Variants in FRYL observed in about 807,000 individuals in gnomAD.
The protein encoded by FRYL is FRY like transcription coactivator.
In FRYL, 150 loss-of-function variants were observed where a neutral mutation model predicts 351.2. That is an observed-to-expected ratio of 0.43 (90% CI 0.37 to 0.49). The LOEUF (loss-of-function observed/expected upper bound fraction) is 0.49. Among genes scored for constraint, FRYL ranks in the 20% least tolerant of loss-of-function variants. FRYL has a pLI of 0.00. For missense variants in FRYL, 3,036 were observed against 3,619.3 expected (o/e 0.84, Z 4.13); for synonymous variants, 1,153 against 1,257.1 (o/e 0.92, Z 1.75).
In FRYL at chr4:48,549,696, C is replaced by A; in HGVS notation, c.4634-73G>T. 1 of 1,251,398 alleles carries A rather than the reference C, an allele frequency of 8.0e-7. No individual in the cohort carries two copies. The highest frequency in any genetic ancestry group is 1.1e-6 in the Non-Finnish European group (1 of 884,378). The allele number at this position is 1,251,398 out of a possible 1,614,324, so 77.5% of individuals were successfully genotyped here. On this transcript the variant is annotated intron_variant, in intron 38 of 63. Transcript: ENST00000358350. The surrounding 1 kb of genome is among the most constrained non-coding windows in gnomAD (Gnocchi z 4.2). ...AATATAAGCAAACTCTAGTAAGATC[C>A]CAACTATTTATATAGTATTGGAAAG...
At chr4:48,586,815 C>A in intron 18 of FRYL, 87 bp from the exon 19 acceptor site, 3 of 803,930 alleles carry the variant, frequency 3.7e-6, no homozygotes, top group Non-Finnish European at 6.0e-6. Context: ...ACAGAAAGTG[C>A]GAGTCCTCCC....
chr4:48,635,695 G>A (rs1754076894), intron 3 of FRYL, among the ~76,000 whole-genome samples: 1 of 152,158 alleles, frequency 6.6e-6, no homozygotes, highest in Non-Finnish European at 1.5e-5. Context: ...GATCCCATAT[G>A]TTGCTATGTC....
chr4:48,563,543 C>T (rs1259530271), intron 31 of FRYL, among the ~76,000 whole-genome samples: 3 of 151,836 alleles, frequency 2.0e-5, no homozygotes, highest in African/African-American at 7.3e-5. Context: ...GACCTCGTCG[C>T]TACAAAGAAT....
At chr4:48,675,088 C>T (rs1480749184) in intron 3 of FRYL, among the ~76,000 whole-genome samples, 1 of 152,176 alleles carries the variant, frequency 6.6e-6, no homozygotes, top group Non-Finnish European at 1.5e-5. Flanking sequence ...CGCTGTGCAG[C>T]CCAGGCTGGA....
chr4:48,561,822 C>T (rs552079658), intron 32 of FRYL, among the ~76,000 whole-genome samples, 186 bp from the exon 33 acceptor site: 2 of 152,128 alleles, frequency 1.3e-5, no homozygotes, highest in Non-Finnish European at 2.9e-5. Context: ...CCAGACTAGC[C>T]TGGCCAACAT....
chr4:48,682,922 A>T (rs1282289338), intron 3 of FRYL, among the ~76,000 whole-genome samples: 1 of 152,214 alleles, frequency 6.6e-6, no homozygotes, highest in Non-Finnish European at 1.5e-5. Flanking sequence ...TACTGGGTAC[A>T]TACCCAAAGA....
intron 1 of FRYL, among the ~76,000 whole-genome samples, chr4:48,719,687 G>A (rs965447048): frequency 2.0e-5 from 3 of 151,614 alleles, no homozygotes; most frequent in Non-Finnish European, 4.4e-5. Context: ...AAGTTAAGAT[G>A]ATAAAAATTC....
At chr4:48,603,611 A>G (rs1507864) in intron 11 of FRYL, among the ~76,000 whole-genome samples, 9,001 of 152,296 alleles carry the variant, frequency 0.059, 363 homozygotes, top group Non-Finnish European at 0.09. Flanking sequence ...AGGACACAGT[A>G]TAACAGGTCC....
intron 51 of FRYL, 44 bp downstream of exon 51, chr4:48,528,131 T>C (rs1233954838): frequency 6.3e-7 from 1 of 1,580,610 alleles, no homozygotes; most frequent in Non-Finnish European, 8.6e-7. Flanking sequence ...ACAAAACTGA[T>C]TCTTCTGTTC....
At chr4:48,713,048 C>G (rs1768287008) in intron 1 of FRYL, among the ~76,000 whole-genome samples, 1 of 151,924 alleles carries the variant, frequency 6.6e-6, no homozygotes, top group Non-Finnish European at 1.5e-5. Flanking sequence ...CTGTCACCAC[C>G]AGGCCTGCCC....
rs1226517947 is a variant in FRYL, at chr4:48,668,386, TAAAAAAAA to T, written c.-81+16279_-81+16286del. On this transcript the variant is annotated intron_variant, in intron 3 of 63. Transcript: ENST00000358350. ...AGAGCAACACTCCATCTCAAAAAATTAAAAAAAAAAAAAAAAAGAAAGAAAGAAACTAA... is the reference window on the plus strand; with the variant it reads ...AGAGCAACACTCCATCTCAAAAAATTAAAAAAAAAGAAAGAAAGAAACTAA... Among the ~76,000 whole-genome samples the T allele has an allele frequency of 2.5e-4, 31 of 122,868 alleles. 1 individual carries two copies. The South Asian group carries it at 7.9e-3, about 31-fold the overall frequency. 80.6% of individuals were successfully genotyped at this position (122,868 alleles called of 152,430 possible). A position where few individuals can be genotyped will look rare whatever the true frequency, so the allele number is the denominator to read the frequency against.
intron 3 of FRYL, among the ~76,000 whole-genome samples, chr4:48,671,891 A>AG (rs1560832718): frequency 4.2e-5 from 6 of 142,534 alleles, no homozygotes; most frequent in African/African-American, 1.6e-4. Flanking sequence ...AAAAAAAAAA[A>AG]GAAGGAAAGA....
chr4:48,670,442 A>G (rs1453395959), intron 3 of FRYL, among the ~76,000 whole-genome samples: 2 of 150,050 alleles, frequency 1.3e-5, no homozygotes, highest in East Asian at 3.9e-4. Context: ...CGAAATATAT[A>G]TATACATATA....
intron 1 of FRYL, among the ~76,000 whole-genome samples, chr4:48,741,034 A>G (rs535082014): frequency 6.7e-6 from 1 of 150,264 alleles, no homozygotes; most frequent in South Asian, 2.1e-4. Flanking sequence ...GATTTGATGA[A>G]AAAAAAAAAA....
rs187696081 is a variant in FRYL at position 48,563,044 on chromosome 4, A to G, written c.3597-56T>C. The G allele has an allele frequency of 7.0e-5, 76 of 1,078,602 alleles. No homozygotes were observed. In the African/African-American group the frequency reaches 1.1e-3, roughly 16 times the overall value. 66.8% of individuals were successfully genotyped at this position (1,078,602 alleles called of 1,614,324 possible). The stretch of plus-strand genomic sequence containing the variant: ...AACAATGTTTAGAGGCTTTTGCACC[A>G]TTTAATAAATATGATATGCAAAGGG... On this transcript the variant is annotated intron_variant, in intron 31 of 63. Coordinates refer to ENST00000358350, the MANE Select transcript of FRYL (RefSeq NM_015030.2).
chr4:48,612,585 ATTTATT>A (rs1353711973), intron 7 of FRYL, among the ~76,000 whole-genome samples: 8 of 150,870 alleles, frequency 5.3e-5, no homozygotes, highest in Admixed American at 2.0e-4. Context: ...ATTTTTATTT[ATTTATT>A]TTTGAGACAG....
At chr4:48,719,895 T>TA (rs1769270138) in intron 1 of FRYL, among the ~76,000 whole-genome samples, 1 of 151,590 alleles carries the variant, frequency 6.6e-6, no homozygotes, top group Admixed American at 6.6e-5. Flanking sequence ...CTCACGCCTG[T>TA]AATCCCAGCA....
At chr4:48,710,478 G>C (rs968503563) in intron 2 of FRYL, 41 bp downstream of exon 2, 2 of 398,444 alleles carry the variant, frequency 5.0e-6, no homozygotes, top group African/African-American at 2.1e-5. Context: ...ATATAAAAAA[G>C]GAAAGAAGGC....
intron 3 of FRYL, 95 bp downstream of exon 3, chr4:48,684,578 A>G (rs1764967198): frequency 6.6e-6 from 1 of 152,238 alleles, no homozygotes; most frequent in South Asian, 2.1e-4. Flanking sequence ...GGATCAAGAA[A>G]TTATAGTAGA....
Sources: gnomAD v4.1 joint callset for allele counts (sites outside exome capture counted in the v4.1 genomes callset) on GRCh38, gnomAD v4.1.1 for gene constraint, Gnocchi (gnomAD v3.1) non-coding constraint, MANE v1.5 for transcripts, NCBI Gene and HGNC (gene_info 2026-07-23, HGNC 2026-07-21) for gene names.